Variants in PDK1 observed in about 807,000 individuals in gnomAD.
The protein encoded by PDK1 is pyruvate dehydrogenase kinase 1, also known as [Pyruvate dehydrogenase (acetyl-transferring)] kinase isozyme 1, mitochondrial.
In PDK1, 39 loss-of-function variants were observed where a neutral mutation model predicts 54.2. The observed-to-expected ratio is 0.72, with a 90% CI of 0.56 to 0.94. The LOEUF is 0.94. PDK1 is among the 40% of genes least tolerant of loss of function. The pLI is 0.00. For missense variants in PDK1, 552 were observed against 566.0 expected (o/e 0.98, Z 0.25); for synonymous variants, 221 against 207.1 (o/e 1.07, Z -0.58).
intron 1 of PDK1, among the ~76,000 whole-genome samples, chr2:172,557,862 CTTTCT>C (rs1688434858): frequency 6.6e-6 from 1 of 152,120 alleles, no homozygotes; most frequent in African/African-American, 2.4e-5. Flanking sequence ...AAATTTTCCT[CTTTCT>C]TTTGAGACAG....
chr2:172,642,163 C>A, the PDK1 span, among the ~76,000 whole-genome samples: 2 of 152,018 alleles, frequency 1.3e-5, no homozygotes, highest in South Asian at 4.2e-4. Flanking sequence ...CGGAATGGAG[C>A]GTCTATGGTG....
chr2:172,621,954 T>G, the PDK1 span, among the ~76,000 whole-genome samples: 1 of 150,092 alleles, frequency 6.7e-6, no homozygotes, highest in Admixed American at 6.7e-5. Flanking sequence ...ATGTGGTATA[T>G]TTTATATCTC....
chr2:172,628,220 G>A, the PDK1 span, among the ~76,000 whole-genome samples: 1 of 152,188 alleles, frequency 6.6e-6, no homozygotes, highest in Non-Finnish European at 1.5e-5. Flanking sequence ...TTACCTGCTA[G>A]TCATAGGGAA....
intron 8 of PDK1, among the ~76,000 whole-genome samples, chr2:172,583,280 GGTTTTTTT>G (rs1690011659): frequency 1.1e-5 from 1 of 93,918 alleles, no homozygotes; most frequent in Non-Finnish European, 2.0e-5. Context: ...AAAGTTTTCT[GGTTTTTTT>G]TTTTTTTTTT....
At chr2:172,588,251 G>T (rs937409403) in intron 9 of PDK1, among the ~76,000 whole-genome samples, 1 of 152,202 alleles carries the variant, frequency 6.6e-6, no homozygotes, top group Non-Finnish European at 1.5e-5. Flanking sequence ...ATAGAAGGGA[G>T]CTGCTGTTTT....
intron 1 of PDK1, 121 bp from the exon 2 acceptor site, chr2:172,558,587 A>G (rs950085099): frequency 2.5e-6 from 2 of 809,830 alleles, no homozygotes; most frequent in African/African-American, 3.5e-5. Flanking sequence ...TCCCTGCCCC[A>G]TCGTGGTGAT....
chr2:172,684,821 G>A, the PDK1 span, among the ~76,000 whole-genome samples: 27,799 of 152,036 alleles, frequency 0.18, 2,988 homozygotes, highest in African/African-American at 0.3. Context: ...AAATTTGTCT[G>A]CTCCCCTCCA....
the PDK1 span, among the ~76,000 whole-genome samples, chr2:172,663,027 T>C: frequency 6.6e-6 from 1 of 152,174 alleles, no homozygotes; most frequent in Non-Finnish European, 1.5e-5. Flanking sequence ...GAAGGGTTGG[T>C]GTATTAGTTT....
chr2:172,637,649 A>G, the PDK1 span, among the ~76,000 whole-genome samples: 5 of 152,016 alleles, frequency 3.3e-5, no homozygotes, highest in South Asian at 1.0e-3. Context: ...TTTCATTCTG[A>G]TCTGCTCTCT....
At chr2:172,655,978 C>T in the PDK1 span, among the ~76,000 whole-genome samples, 3 of 152,182 alleles carry the variant, frequency 2.0e-5, no homozygotes, top group African/African-American at 7.2e-5. Context: ...ACACTTTAAA[C>T]ATGAGAGATA....
At chr2:172,561,077 G>C (rs1368584691) in intron 2 of PDK1, among the ~76,000 whole-genome samples, 1 of 152,196 alleles carries the variant, frequency 6.6e-6, no homozygotes, top group Non-Finnish European at 1.5e-5. Flanking sequence ...ATAGTTATAA[G>C]TGTGGATTAA....
Position 172,600,275 on chromosome 2 carries a change from A to G in PDK1, c.*4306A>G, listed in dbSNP as rs1691068412. On this transcript the variant is annotated 3_prime_UTR_variant, in exon 11 of 11. Transcript: ENST00000282077. ...ACTTAATATAGAGTTCTACAGTTAC[A>G]GTATTGCATGAAAATACAGTATGGT... 2 of 152,168 alleles carry G rather than the reference A, an allele frequency of 1.3e-5. No homozygotes were observed. The highest frequency in any genetic ancestry group is 2.9e-5 in the Non-Finnish European group (2 of 68,032). 9.4% of individuals were successfully genotyped at this position (152,168 alleles called of 1,614,324 possible). A position where few individuals can be genotyped will look rare whatever the true frequency, so the allele number is the denominator to read the frequency against.
the PDK1 span, among the ~76,000 whole-genome samples, chr2:172,714,843 A>C: frequency 2.6e-5 from 4 of 152,208 alleles, no homozygotes; most frequent in African/African-American, 9.6e-5. Flanking sequence ...AGTAGAATCC[A>C]TCATCCAATT....
At chr2:172,661,122 T>C in the PDK1 span, among the ~76,000 whole-genome samples, 1 of 152,166 alleles carries the variant, frequency 6.6e-6, no homozygotes, top group Non-Finnish European at 1.5e-5. Flanking sequence ...ATGTTCATTC[T>C]GATCAGCAGC....
the PDK1 span, among the ~76,000 whole-genome samples, chr2:172,706,246 T>C: frequency 1.3e-5 from 2 of 152,198 alleles, no homozygotes; most frequent in African/African-American, 4.8e-5. Flanking sequence ...AAGGCTACAG[T>C]GTAAAACCTT....
chr2:172,701,648 GT>G, the PDK1 span, among the ~76,000 whole-genome samples: 6,740 of 124,656 alleles, frequency 0.054, 227 homozygotes, highest in East Asian at 0.23. Context: ...TTTTTGTTTT[GT>G]TTTTTTTTTT....
chr2:172,561,755 G>T (rs1179904170), intron 2 of PDK1, among the ~76,000 whole-genome samples: 1 of 152,104 alleles, frequency 6.6e-6, no homozygotes, highest in Non-Finnish European at 1.5e-5. Flanking sequence ...TTGTTAGTTG[G>T]ACATAAATAT....
chr2:172,590,889 G>A (rs965930152), intron 9 of PDK1, among the ~76,000 whole-genome samples: 2 of 152,006 alleles, frequency 1.3e-5, no homozygotes, highest in Non-Finnish European at 2.9e-5. Context: ...GTCCCCACCC[G>A]ACCCAGAAGC....
chr2:172,674,243 G>A, the PDK1 span: 1 of 152,436 alleles, frequency 6.6e-6, no homozygotes, highest in Non-Finnish European at 1.5e-5. Flanking sequence ...CAAGGGTTCA[G>A]CGAAACTTCA....
Sources: gnomAD v4.1 joint callset for allele counts (sites outside exome capture counted in the v4.1 genomes callset) on GRCh38, gnomAD v4.1.1 for gene constraint, MANE v1.5 for transcripts, NCBI Gene and HGNC (gene_info 2026-07-23, HGNC 2026-07-21) for gene names.